FUT9: variants seen among roughly 807,000 people sequenced by gnomAD.
FUT9 encodes the protein fucosyltransferase 9.
A neutral mutation model predicts 29.7 loss-of-function variants in FUT9; 15 were observed. The observed-to-expected ratio is 0.51, with a 90% CI of 0.34 to 0.78. The LOEUF (loss-of-function observed/expected upper bound fraction) is 0.78. FUT9 is among the 30% of genes least tolerant of loss of function. The pLI is 0.01. For synonymous variants in FUT9, 169 were observed against 153.7 expected, an observed-to-expected ratio of 1.10 and a Z score of -0.74; for missense variants, 319 against 425.4, an observed-to-expected ratio of 0.75 and a Z score of 2.20.
At chr6:96,071,801 G>GA (rs1554190581) in intron 1 of FUT9, among the ~76,000 whole-genome samples, 2 of 151,370 alleles carry the variant, frequency 1.3e-5, no homozygotes, top group Non-Finnish European at 2.9e-5. Flanking sequence ...TAAAATTTAA[G>GA]TTTTTTTTTC....
intron 1 of FUT9, among the ~76,000 whole-genome samples, chr6:96,079,689 T>G (rs567249698): frequency 6.6e-6 from 1 of 151,654 alleles, no homozygotes; most frequent in South Asian, 2.1e-4. Flanking sequence ...TACAATATGT[T>G]TCTAGTGTAA....
chr6:96,024,721 C>A (rs1193812449), intron 1 of FUT9, among the ~76,000 whole-genome samples: 1 of 151,748 alleles, frequency 6.6e-6, no homozygotes, highest in African/African-American at 2.4e-5. Flanking sequence ...AGTTTCTCTG[C>A]ACAGTGTTGA....
In FUT9 at chr6:96,205,191, G is replaced by T. The variant is rs1773805518; in HGVS notation, c.*956G>T. 1.8e-5 allele frequency: 3 copies of T among 166,654 alleles called. No homozygotes were observed. Among genetic ancestry groups the T allele is most frequent in the Admixed American group, 1.3e-4 (2 of 15,240 alleles). The allele number at this position is 166,654 out of a possible 1,614,324, so 10.3% of individuals were successfully genotyped here. The stretch of plus-strand genomic sequence containing the variant: ...ATTTTACCATATGGATATAAGATTT[G>T]GCTCATAATGATGAGCCCTATCATT... On this transcript the variant is annotated 3_prime_UTR_variant, in exon 3 of 3. Coordinates refer to ENST00000302103, the MANE Select transcript of FUT9 (RefSeq NM_006581.4).
chr6:96,120,427 C>T (rs1261753893), intron 2 of FUT9, among the ~76,000 whole-genome samples: 2 of 150,556 alleles, frequency 1.3e-5, no homozygotes, highest in Non-Finnish European at 3.0e-5. Flanking sequence ...TCCGCCACCA[C>T]GCCCAGCTAA....
At chr6:96,185,129 C>T (rs149060850) in intron 2 of FUT9, among the ~76,000 whole-genome samples, 166 of 145,546 alleles carry the variant, frequency 1.1e-3, no homozygotes, top group African/African-American at 3.7e-3. Flanking sequence ...TAACTCCTTC[C>T]TCCTCAACAA....
At chr6:96,126,501 T>G (rs1182382706) in intron 2 of FUT9, among the ~76,000 whole-genome samples, 2 of 152,196 alleles carry the variant, frequency 1.3e-5, no homozygotes, top group Non-Finnish European at 2.9e-5. Context: ...CTAAAGTTCT[T>G]AGGTCTTCAA....
intron 1 of FUT9, among the ~76,000 whole-genome samples, chr6:96,097,373 T>C (rs1178637375): frequency 6.6e-6 from 1 of 152,168 alleles, no homozygotes; most frequent in Non-Finnish European, 1.5e-5. Flanking sequence ...TGTAGGTAGC[T>C]TGGAATTGGC....
chr6:96,134,938 G>A (rs1281431011), intron 2 of FUT9, among the ~76,000 whole-genome samples: 1 of 151,774 alleles, frequency 6.6e-6, no homozygotes, highest in African/African-American at 2.4e-5. Flanking sequence ...CAATGTATTT[G>A]TCCTCGGTCC....
At chr6:96,099,060 A>G (rs756267459) in intron 1 of FUT9, among the ~76,000 whole-genome samples, 13 of 152,276 alleles carry the variant, frequency 8.5e-5, no homozygotes, top group Admixed American at 3.3e-4. Context: ...TATTATCAGA[A>G]CCTTATGTGT....
Position 96,212,665 on chromosome 6 carries a change from A to T in FUT9, c.*8430A>T, listed in dbSNP as rs1475604399. ...GGTAGGAAGTAATGTGTGCTTGCAG[A>T]AATGCAACTGGTCAAAATTACTTGA... is the stretch of plus-strand genomic sequence containing the variant. On this transcript the variant is annotated 3_prime_UTR_variant, in exon 3 of 3. Coordinates refer to ENST00000302103, the MANE Select transcript of FUT9 (RefSeq NM_006581.4). 4.0e-6 allele frequency: 1 copy of T among 248,064 alleles called. No individual in the cohort carries two copies. Among genetic ancestry groups the T allele is most frequent in the African/African-American group, 2.2e-5 (1 of 44,518 alleles). The allele number at this position is 248,064 out of a possible 1,614,324, so 15.4% of individuals were successfully genotyped here. A position where few individuals can be genotyped will look rare whatever the true frequency, so the allele number is the denominator to read the frequency against.
intron 1 of FUT9, among the ~76,000 whole-genome samples, chr6:96,097,616 AAC>A (rs67797028): frequency 0.68 from 103,462 of 151,764 alleles, 36,771 homozygotes; most frequent in East Asian, 0.84. Flanking sequence ...ACTTTCAATG[AAC>A]ATTACAAAAA....
intron 2 of FUT9, among the ~76,000 whole-genome samples, chr6:96,193,478 A>G: frequency 6.7e-6 from 1 of 149,274 alleles, no homozygotes; most frequent in Non-Finnish European, 1.5e-5. Flanking sequence ...GCCATCAGAG[A>G]AATGCAAATC....
intron 2 of FUT9, among the ~76,000 whole-genome samples, chr6:96,174,120 G>A (rs1773161976): frequency 6.6e-6 from 1 of 151,994 alleles, no homozygotes; most frequent in South Asian, 2.1e-4. Context: ...TGCAGTCACA[G>A]ACCACTTCAA....
intron 1 of FUT9, among the ~76,000 whole-genome samples, chr6:96,044,213 T>A (rs904470731): frequency 1.3e-5 from 2 of 152,226 alleles, no homozygotes; most frequent in African/African-American, 4.8e-5. Flanking sequence ...CCATTACCTA[T>A]AATTTGCCTC....
chr6:96,189,692 G>A (rs1773470428), intron 2 of FUT9, among the ~76,000 whole-genome samples: 1 of 151,998 alleles, frequency 6.6e-6, no homozygotes, highest in Non-Finnish European at 1.5e-5. Flanking sequence ...ATCTTTGTTG[G>A]TTTAAAGTCT....
chr6:96,038,846 C>T (rs1056575748), intron 1 of FUT9, among the ~76,000 whole-genome samples: 1 of 152,060 alleles, frequency 6.6e-6, no homozygotes. Context: ...ACCTTCTTTG[C>T]ACCATCTACA....
At chr6:96,130,822 T>C (rs184736678) in intron 2 of FUT9, among the ~76,000 whole-genome samples, 13 of 152,310 alleles carry the variant, frequency 8.5e-5, no homozygotes, top group African/African-American at 3.1e-4. Context: ...AGGAAACTCT[T>C]GGAGCTTTGC....
chr6:96,026,363 T>A (rs1770168502), intron 1 of FUT9, among the ~76,000 whole-genome samples: 1 of 151,684 alleles, frequency 6.6e-6, no homozygotes, highest in African/African-American at 2.4e-5. Context: ...TTGGAACAAA[T>A]ATATTGTATT....
intron 2 of FUT9, among the ~76,000 whole-genome samples, chr6:96,165,760 T>A (rs1773004608): frequency 6.6e-6 from 1 of 151,900 alleles, no homozygotes; most frequent in South Asian, 2.1e-4. Context: ...GGATTACAGG[T>A]GTGCACCACC....
Sources: allele counts gnomAD v4.1 joint callset (sites outside exome capture counted in the v4.1 genomes callset), GRCh38; gene constraint gnomAD v4.1.1; transcripts MANE v1.5; gene names NCBI Gene and HGNC (gene_info 2026-07-23, HGNC 2026-07-21).